CFAP47: variants seen among roughly 807,000 people sequenced by gnomAD.
CFAP47 encodes the protein cilia and flagella associated protein 47.
Under a neutral mutation model 148.1 loss-of-function variants are expected in CFAP47, and 29 were observed. The observed-to-expected ratio is 0.20, with a 90% CI of 0.15 to 0.27. CFAP47 has a LOEUF of 0.27. Among genes scored for constraint, CFAP47 ranks in the 10% least tolerant of loss-of-function variants. CFAP47 has a pLI of 1.00. For missense variants in CFAP47, 1,872 were observed against 1,697.5 expected, an observed-to-expected ratio of 1.10 and a Z score of -1.81; for synonymous variants, 664 against 577.3, an observed-to-expected ratio of 1.15 and a Z score of -2.15.
chrX:36,240,457 A>G (rs894548943), intron 48 of CFAP47, among the ~76,000 whole-genome samples: 7 of 111,712 alleles, frequency 6.3e-5, no homozygotes, highest in Non-Finnish European at 1.1e-4. Context: ...AATGAAAAAG[A>G]CCAACATTCT....
chrX:36,234,154 G>A (rs782119058), intron 46 of CFAP47, among the ~76,000 whole-genome samples: 1 of 109,095 alleles, frequency 9.2e-6, no homozygotes, highest in South Asian at 4.1e-4. Context: ...GAATCTGAAT[G>A]TTGGCCTGCC....
chrX:35,967,043 A>G (rs1936417703), intron 9 of CFAP47, among the ~76,000 whole-genome samples: 1 of 110,790 alleles, frequency 9.0e-6, no homozygotes, highest in South Asian at 3.8e-4. Flanking sequence ...ATGATTATTA[A>G]GCTTGTCTGT....
chrX:36,368,917 T>C (rs1283464114), intron 62 of CFAP47, among the ~76,000 whole-genome samples: 1 of 111,421 alleles, frequency 9.0e-6, no homozygotes, highest in Non-Finnish European at 1.9e-5. Context: ...GTAACTGTTT[T>C]TGATATTAAG....
At chrX:36,041,348 C>T (rs966254104) in intron 25 of CFAP47, among the ~76,000 whole-genome samples, 2 of 111,074 alleles carry the variant, frequency 1.8e-5, no homozygotes, top group Non-Finnish European at 3.8e-5. Flanking sequence ...ATAAAGAGGT[C>T]TATTCTAATA....
At chrX:36,367,175 A>T in intron 62 of CFAP47, 48 bp downstream of exon 62, 1 of 887,885 alleles carries the variant, frequency 1.1e-6, no homozygotes, top group African/African-American at 2.0e-5. Context: ...AATATGCTGA[A>T]CTTTGGAATG....
intron 60 of CFAP47, among the ~76,000 whole-genome samples, chrX:36,354,354 A>T (rs372118219): frequency 9.3e-6 from 1 of 107,680 alleles, no homozygotes; most frequent in African/African-American, 3.4e-5. Flanking sequence ...GGTGGCACAC[A>T]CCTGTAATCT....
intron 33 of CFAP47, among the ~76,000 whole-genome samples, chrX:36,128,495 G>T (rs1405678468): frequency 9.0e-6 from 1 of 110,642 alleles, no homozygotes; most frequent in Non-Finnish European, 1.9e-5. Flanking sequence ...AGATATTTTT[G>T]GTGCTCATTT....
At chrX:36,099,057 C>G (rs750710780) in intron 31 of CFAP47, among the ~76,000 whole-genome samples, 183 bp downstream of exon 31, 3 of 111,180 alleles carry the variant, frequency 2.7e-5, no homozygotes, top group Non-Finnish European at 5.7e-5. Flanking sequence ...TATGGAGTTC[C>G]TATGCAAAAA....
At chrX:36,252,419 T>A (rs782288759) in intron 49 of CFAP47, among the ~76,000 whole-genome samples, 1 of 110,529 alleles carries the variant, frequency 9.0e-6, no homozygotes, top group Non-Finnish European at 1.9e-5. Context: ...ATTACCACTG[T>A]AATAGAATTT....
chrX:36,282,364 G>A, intron 50 of CFAP47, among the ~76,000 whole-genome samples: 1 of 110,810 alleles, frequency 9.0e-6, no homozygotes, highest in Non-Finnish European at 1.9e-5. Flanking sequence ...AAAGTGTTCA[G>A]AAGAATTTGA....
chrX:36,374,486 CTTTGT>C (rs1186667075), intron 62 of CFAP47, among the ~76,000 whole-genome samples: 1 of 110,650 alleles, frequency 9.0e-6, no homozygotes, highest in Non-Finnish European at 1.9e-5. Context: ...TTAAAATACT[CTTTGT>C]TTTGTCAAAT....
intron 29 of CFAP47, among the ~76,000 whole-genome samples, chrX:36,083,667 T>C (rs1938026655): frequency 8.9e-6 from 1 of 111,739 alleles, no homozygotes; most frequent in Non-Finnish European, 1.9e-5. Context: ...TTGTTAATCA[T>C]TTTACTGCAT....
At chrX:36,337,856 C>CTTTTTTTTT (rs1196038760) in intron 57 of CFAP47, among the ~76,000 whole-genome samples, 2 of 58,310 alleles carry the variant, frequency 3.4e-5, no homozygotes, top group Admixed American at 2.5e-4. Flanking sequence ...TTCCATAATC[C>CTTTTTTTTT]TTTTTTTTTT....
Position 36,159,640 on chromosome X carries a change from G to A in CFAP47, c.5937+64G>A, listed in dbSNP as rs978596715. On this transcript the variant is annotated intron_variant, in intron 38 of 63. Coordinates refer to ENST00000378653, the MANE Select transcript of CFAP47 (RefSeq NM_001304548.2). ...TCAGACCATGAAGTATCAAAAGCAT[G>A]TTATTGTTATACATTTTATCTCTAG... is the stretch of plus-strand genomic sequence containing the variant. The A allele has an allele frequency of 1.0e-5, 3 of 292,680 alleles. No homozygotes were observed. In the East Asian group the frequency reaches 1.4e-4, roughly 14 times the overall value. The allele number at this position is 292,680 out of a possible 1,213,427, so 24.1% of individuals were successfully genotyped here.
chrX:36,028,532 G>A (rs1415120238), intron 22 of CFAP47, among the ~76,000 whole-genome samples: 1 of 110,966 alleles, frequency 9.0e-6, no homozygotes, highest in African/African-American at 3.3e-5. Flanking sequence ...TGTGTCATCT[G>A]TGTTTTCTTT....
At chrX:36,044,677 A>G (rs1244606671) in intron 25 of CFAP47, among the ~76,000 whole-genome samples, 3 of 111,380 alleles carry the variant, frequency 2.7e-5, no homozygotes, top group African/African-American at 9.8e-5. Context: ...CCACATCACT[A>G]TCATCATTTT....
At chrX:36,131,106 A>T (rs1938940177) in intron 33 of CFAP47, among the ~76,000 whole-genome samples, 3 of 111,248 alleles carry the variant, frequency 2.7e-5, no homozygotes, top group Admixed American at 9.6e-5. Flanking sequence ...GCTTGAGGAG[A>T]TGGATGCCCT....
At chrX:36,257,560 A>T (rs1198638704) in intron 49 of CFAP47, among the ~76,000 whole-genome samples, 2 of 109,555 alleles carry the variant, frequency 1.8e-5, no homozygotes, top group Non-Finnish European at 3.8e-5. Flanking sequence ...TGTAGTTGGG[A>T]CAACAGTTGT....
At chrX:36,171,588 G>A (rs980304014) in intron 39 of CFAP47, among the ~76,000 whole-genome samples, 6 of 110,310 alleles carry the variant, frequency 5.4e-5, no homozygotes, top group African/African-American at 2.0e-4. Flanking sequence ...TCTCAGGTTT[G>A]TCAAAGATCA....
Sources: allele counts gnomAD v4.1 joint callset (sites outside exome capture counted in the v4.1 genomes callset), GRCh38; gene constraint gnomAD v4.1.1; transcripts MANE v1.5; gene names NCBI Gene and HGNC (gene_info 2026-07-23, HGNC 2026-07-21).